The following DOK5 variants were observed in gnomAD, a reference collection of about 807,000 sequenced individuals.
DOK5 encodes the protein docking protein 5, also known as downstream of tyrosine kinase 5.
Under a neutral mutation model 43.3 loss-of-function variants are expected in DOK5, and 27 were observed. The ratio of observed to expected loss-of-function variants is 0.62; its 90% confidence interval spans 0.46 to 0.86. The LOEUF is 0.86. DOK5 is among the 40% of genes least tolerant of loss of function. The pLI, the probability that DOK5 is intolerant of heterozygous loss-of-function variation, is 0.00. For missense variants in DOK5, 373 were observed against 392.9 expected (o/e 0.95, Z 0.43); for synonymous variants, 146 against 140.1 (o/e 1.04, Z -0.30).
At chr20:54,511,186 G>A (rs1328493045) in intron 1 of DOK5, among the ~76,000 whole-genome samples, 1 of 152,148 alleles carries the variant, frequency 6.6e-6, no homozygotes, top group Non-Finnish European at 1.5e-5. Flanking sequence ...CTAGCTTTGT[G>A]ACTTTGGGCA....
chr20:54,550,984 A>G (rs62214421), intron 1 of DOK5, among the ~76,000 whole-genome samples: 16,060 of 152,200 alleles, frequency 0.11, 832 homozygotes, highest in Admixed American at 0.15. Context: ...ACTGTTTTTC[A>G]GAGTGGCTGT....
intron 1 of DOK5, among the ~76,000 whole-genome samples, chr20:54,479,388 GA>G (rs1981574638): frequency 6.6e-6 from 1 of 152,108 alleles, no homozygotes; most frequent in African/African-American, 2.4e-5. Context: ...GGGGCTGGGG[GA>G]AGGAGGGGAG....
chr20:54,610,560 A>G (rs756687666), intron 6 of DOK5, 37 bp downstream of exon 6: 2 of 1,401,070 alleles, frequency 1.4e-6, no homozygotes, highest in South Asian at 1.9e-5. Context: ...CCCAGTGCCT[A>G]TCACTGCAGA....
intron 2 of DOK5, among the ~76,000 whole-genome samples, chr20:54,579,667 C>T (rs1194261438): frequency 6.6e-6 from 1 of 152,112 alleles, no homozygotes; most frequent in African/African-American, 2.4e-5. Flanking sequence ...TTTGTCCTTT[C>T]GTGATTGTCT....
intron 1 of DOK5, among the ~76,000 whole-genome samples, chr20:54,509,557 T>C (rs1439458141): frequency 1.3e-5 from 2 of 152,320 alleles, no homozygotes; most frequent in East Asian, 3.9e-4. Context: ...AAGCAAGAGA[T>C]GGTGTCTAGT....
At chr20:54,620,134 T>C (rs1299637935) in intron 6 of DOK5, among the ~76,000 whole-genome samples, 2 of 152,252 alleles carry the variant, frequency 1.3e-5, no homozygotes, top group African/African-American at 2.4e-5. Flanking sequence ...ATATTAATTA[T>C]CCTTCAAAAA....
intron 1 of DOK5, among the ~76,000 whole-genome samples, chr20:54,540,680 A>G (rs1984127058): frequency 6.6e-6 from 1 of 151,922 alleles, no homozygotes; most frequent in South Asian, 2.1e-4. Flanking sequence ...CCACACCTGG[A>G]TAATTTTTTT....
chr20:54,483,697 C>G (rs993637736), intron 1 of DOK5, among the ~76,000 whole-genome samples: 1 of 152,070 alleles, frequency 6.6e-6, no homozygotes, highest in East Asian at 1.9e-4. Context: ...ATGGTGCGAC[C>G]CCCCCGTTCC....
intron 6 of DOK5, among the ~76,000 whole-genome samples, chr20:54,623,815 A>G (rs765648671): frequency 1.3e-5 from 2 of 152,120 alleles, no homozygotes; most frequent in Non-Finnish European, 2.9e-5. Context: ...TCCTGACCTC[A>G]TGATCCACCC....
intron 1 of DOK5, among the ~76,000 whole-genome samples, chr20:54,499,280 A>G (rs1982507262): frequency 6.6e-6 from 1 of 152,194 alleles, no homozygotes; most frequent in Non-Finnish European, 1.5e-5. Context: ...CCTTTAAGGC[A>G]TGTGTTATTA....
At chr20:54,544,338 A>G (rs1984266262) in intron 1 of DOK5, among the ~76,000 whole-genome samples, 1 of 152,142 alleles carries the variant, frequency 6.6e-6, no homozygotes, top group Non-Finnish European at 1.5e-5. Flanking sequence ...TTATTTTGGT[A>G]AGTGGAATTG....
At position 54,476,667 on chromosome 20, in the gene DOK5, A is replaced by G. The variant is rs78021980; in HGVS notation, c.66+655A>G. Among the ~76,000 whole-genome samples, 366 of 152,216 alleles carry G rather than the reference A, an allele frequency of 2.4e-3. 1 individual carries two copies. Among genetic ancestry groups the G allele is most frequent in the Non-Finnish European group, 4.3e-3 (294 of 68,008 alleles). On this transcript the variant is annotated intron_variant, in intron 1 of 7. Transcript: ENST00000262593. ...CACCCTGGAGGTCCACGGAAGGGTT[A>G]TTTACGTGGAACCTGATACCTGGCA...
chr20:54,637,991 G>A (rs191390382), intron 6 of DOK5, among the ~76,000 whole-genome samples: 58 of 152,162 alleles, frequency 3.8e-4, no homozygotes, highest in Non-Finnish European at 6.3e-4. Flanking sequence ...GCGTGGTGGC[G>A]GGCACCTGTA....
chr20:54,530,195 T>C (rs1439485739), intron 1 of DOK5, among the ~76,000 whole-genome samples: 2 of 152,208 alleles, frequency 1.3e-5, no homozygotes, highest in Non-Finnish European at 2.9e-5. Context: ...TGTCCTTTAT[T>C]TGGTGTGTGT....
intron 1 of DOK5, chr20:54,495,081 T>C (rs1329277164): frequency 1.3e-5 from 2 of 151,988 alleles, no homozygotes; most frequent in East Asian, 3.9e-4. Context: ...TTTTATTTAC[T>C]ATGTTGTTAA....
chr20:54,522,226 C>A (rs1983426339), intron 1 of DOK5, among the ~76,000 whole-genome samples: 1 of 152,128 alleles, frequency 6.6e-6, no homozygotes, highest in Admixed American at 6.5e-5. Flanking sequence ...AAAAAAAGCA[C>A]ATAAAGATCT....
intron 1 of DOK5, among the ~76,000 whole-genome samples, chr20:54,528,247 TA>T (rs1160373599): frequency 3.3e-5 from 5 of 152,096 alleles, no homozygotes; most frequent in Admixed American, 3.3e-4. Flanking sequence ...CATGTATAGA[TA>T]AATAGGAAGA....
intron 1 of DOK5, among the ~76,000 whole-genome samples, chr20:54,477,877 C>G (rs960623579): frequency 6.6e-6 from 1 of 152,156 alleles, no homozygotes; most frequent in Non-Finnish European, 1.5e-5. Context: ...TTTGTGGTAA[C>G]TGAGATTATT....
intron 1 of DOK5, among the ~76,000 whole-genome samples, chr20:54,523,117 T>C (rs188243975): frequency 2.1e-4 from 32 of 152,292 alleles, no homozygotes; most frequent in African/African-American, 7.5e-4. Context: ...CCTATTGGCT[T>C]CAGGGAGAAA....
Sources: gnomAD v4.1 joint callset for allele counts (sites outside exome capture counted in the v4.1 genomes callset) on GRCh38, gnomAD v4.1.1 for gene constraint, MANE v1.5 for transcripts, NCBI Gene and HGNC (gene_info 2026-07-23, HGNC 2026-07-21) for gene names.